The following MAGED1 variants were observed in gnomAD, a reference collection of about 807,000 sequenced individuals.
MAGED1 encodes the protein MAGE family member D1, also known as melanoma-associated antigen D1.
Under a neutral mutation model 54.1 loss-of-function variants are expected in MAGED1, and 3 were observed. The observed-to-expected ratio is 0.06, with a 90% CI of 0.03 to 0.14. The LOEUF (loss-of-function observed/expected upper bound fraction) is 0.14, where lower values mean the gene tolerates loss of function less well. Ranked by LOEUF, MAGED1 falls within the 10% of genes least tolerant of loss-of-function variation. The probability of loss-of-function intolerance (pLI) is 1.00; values close to 1 mark genes in which losing one functional copy is unlikely to be tolerated. For missense variants in MAGED1, 485 were observed against 623.4 expected, an observed-to-expected ratio of 0.78 and a Z score of 2.36; for synonymous variants, 217 against 227.3, an observed-to-expected ratio of 0.95 and a Z score of 0.41.
chrX:51,845,435 C>T (rs1315804441), intron 1 of MAGED1, among the ~76,000 whole-genome samples: 6 of 112,060 alleles, frequency 5.4e-5, no homozygotes, highest in African/African-American at 1.9e-4. Context: ...TTTAAAATTG[C>T]TTGGGACTGG....
intron 1 of MAGED1, among the ~76,000 whole-genome samples, chrX:51,863,255 A>G (rs1393105480): frequency 1.8e-5 from 2 of 112,304 alleles, no homozygotes; most frequent in Non-Finnish European, 3.8e-5. Context: ...CACTTAGCAT[A>G]GTGTCCTCCA....
At position 51,824,704 on chromosome X, in the gene MAGED1, C is replaced by CTGTGTGTG. The variant is rs149180361; in HGVS notation, c.-37+21609_-37+21616dup. 1.2e-3 allele frequency among the ~76,000 whole-genome samples: 104 copies of CTGTGTGTG among 90,412 alleles called. 1 individual carries two copies. In the South Asian group the frequency reaches 0.027, roughly 23 times the overall value. 78.5% of individuals were successfully genotyped at this position (90,412 alleles called of 115,157 possible). A position where few individuals can be genotyped will look rare whatever the true frequency, so the allele number is the denominator to read the frequency against. ...TTCTGAGGCTGTGTTTATATTGTCT[C>CTGTGTGTG]TGTGTGTGTGTGTGTGTGTGTGTGT... is the stretch of plus-strand genomic sequence containing the variant. On this transcript the variant is annotated intron_variant, in intron 1 of 12. Transcript: ENST00000375772.
chrX:51,896,990 G>A lies in MAGED1; in HGVS notation c.1335G>A (p.Ser445=). ...CTGACTGGCAGAACCTGCGCCCCTC[G>A]CCTAACCTGCGCCCTTCTCCCAACT... is the stretch of plus-strand genomic sequence containing the variant. ...IPPDWQNLRP[S]PNLRPSPNSR... The change falls in exon 4 of 13, where the codon TCG becomes TCA. Residue 445 remains serine (S), a synonymous_variant. Coordinates refer to ENST00000326587, the MANE Select transcript of MAGED1 (RefSeq NM_006986.4). The A allele has an allele frequency of 8.3e-7, 1 of 1,210,584 alleles. No homozygotes were observed. The highest frequency in any genetic ancestry group is 3.0e-5 in the East Asian group (1 of 33,788).
At chrX:51,840,421 G>T (rs1455908947) in intron 1 of MAGED1, among the ~76,000 whole-genome samples, 1 of 109,502 alleles carries the variant, frequency 9.1e-6, no homozygotes, top group Non-Finnish European at 1.9e-5. Context: ...AGATTCCAAA[G>T]ACTTTTTTTT....
Position 51,895,235 on chromosome X carries a change from A to C in MAGED1, c.228A>C (p.Ser76=). The part of the protein sequence containing the change: ...QVSAAAARPK[S]AFKVQNATTK... ...CAGCAGCTGCCGCTAGGCCTAAGTCAGCCTTTAAAGTCCAGAATGCCACCA... is the reference window on the plus strand; with the variant it reads ...CAGCAGCTGCCGCTAGGCCTAAGTCCGCCTTTAAAGTCCAGAATGCCACCA... Residue 76 remains serine, a synonymous_variant, in exon 3 of 13, where the codon TCA becomes TCC. Coordinates refer to ENST00000326587, the MANE Select transcript of MAGED1 (RefSeq NM_006986.4). 1 of 1,211,716 alleles carries C rather than the reference A, an allele frequency of 8.3e-7. No individual in the cohort carries two copies. The highest frequency in any genetic ancestry group is 3.0e-5 in the East Asian group (1 of 33,823).
intron 1 of MAGED1, among the ~76,000 whole-genome samples, chrX:51,837,385 T>G: frequency 8.9e-6 from 1 of 111,887 alleles, no homozygotes; most frequent in South Asian, 3.8e-4. Flanking sequence ...CTTTTCCTTC[T>G]TCCTCTTACT....
intron 1 of MAGED1, among the ~76,000 whole-genome samples, chrX:51,838,047 A>AG (rs1233042274): frequency 8.9e-6 from 1 of 112,413 alleles, no homozygotes; most frequent in Non-Finnish European, 1.9e-5. Context: ...CCCTCTTAGC[A>AG]GGTTGGTTTT....
At chrX:51,883,828 T>C (rs868990947) in intron 1 of MAGED1, among the ~76,000 whole-genome samples, 2 of 109,293 alleles carry the variant, frequency 1.8e-5, no homozygotes, top group Non-Finnish European at 3.8e-5. Flanking sequence ...ATTTTAAAAC[T>C]GAAAATTTTA....
At chrX:51,813,847 G>A (rs1557355787) in intron 1 of MAGED1, among the ~76,000 whole-genome samples, 1 of 111,889 alleles carries the variant, frequency 8.9e-6, no homozygotes, top group East Asian at 2.8e-4. Context: ...TAGTTGTACT[G>A]TGCTGTGTTG....
At chrX:51,868,587 G>A (rs1351719303) in intron 1 of MAGED1, among the ~76,000 whole-genome samples, 1 of 111,720 alleles carries the variant, frequency 9.0e-6, no homozygotes, top group African/African-American at 3.3e-5. Context: ...AGATCAGAAT[G>A]TATGTGACAG....
At chrX:51,842,789 G>A (rs952683000) in intron 1 of MAGED1, among the ~76,000 whole-genome samples, 9 of 110,409 alleles carry the variant, frequency 8.2e-5, no homozygotes, top group African/African-American at 2.3e-4. Flanking sequence ...AGGCTCAAGC[G>A]ATCCTCCCAC....
At chrX:51,861,129 G>T (rs1399974235) in intron 1 of MAGED1, among the ~76,000 whole-genome samples, 1 of 111,465 alleles carries the variant, frequency 9.0e-6, no homozygotes, top group Non-Finnish European at 1.9e-5. Context: ...ACATTTATAT[G>T]CTCCACCATC....
chrX:51,818,190 C>T (rs782733429), intron 1 of MAGED1, among the ~76,000 whole-genome samples: 2 of 111,904 alleles, frequency 1.8e-5, no homozygotes, highest in East Asian at 5.6e-4. Context: ...GACTGTCATC[C>T]TTGGACCTGT....
intron 1 of MAGED1, among the ~76,000 whole-genome samples, chrX:51,856,376 A>G (rs782465702): frequency 8.9e-6 from 1 of 112,262 alleles, no homozygotes; most frequent in South Asian, 3.7e-4. Flanking sequence ...TTACATTCAT[A>G]CCAGGAAGGA....
intron 2 of MAGED1, chrX:51,894,628 A>G: frequency 5.0e-6 from 6 of 1,190,562 alleles, no homozygotes; most frequent in Non-Finnish European, 6.8e-6. Flanking sequence ...TTTTTCCAGA[A>G]TCCTGACGCT....
upstream of MAGED1, among the ~76,000 whole-genome samples, chrX:51,890,968 T>G (rs1557363428): frequency 9.0e-6 from 1 of 111,719 alleles, no homozygotes; most frequent in East Asian, 2.8e-4. Context: ...ATTGCAATGT[T>G]GTTGTATTGC....
chrX:51,894,396 C>T, intron 2 of MAGED1, 47 bp downstream of exon 2: 3 of 1,117,933 alleles, frequency 2.7e-6, no homozygotes, highest in Non-Finnish European at 3.7e-6. Flanking sequence ...CCGACAGTCA[C>T]CCCTCCCCGC....
chrX:51,849,359 T>C (rs1926805195), intron 1 of MAGED1, among the ~76,000 whole-genome samples: 1 of 110,940 alleles, frequency 9.0e-6, no homozygotes, highest in African/African-American at 3.3e-5. Context: ...CTCAAAAATA[T>C]GTTCTTTTCA....
chrX:51,821,267 TTG>T (rs1557356511), intron 1 of MAGED1, among the ~76,000 whole-genome samples: 1 of 111,879 alleles, frequency 8.9e-6, no homozygotes, highest in Non-Finnish European at 1.9e-5. Flanking sequence ...GTGCCTTTCA[TTG>T]TGTTTTCTTT....
Sources: gnomAD v4.1 joint callset for allele counts (sites outside exome capture counted in the v4.1 genomes callset) on GRCh38, gnomAD v4.1.1 for gene constraint, MANE v1.5 for transcripts, NCBI Gene and HGNC (gene_info 2026-07-23, HGNC 2026-07-21) for gene names.